Variants in AVEN observed in about 807,000 individuals in gnomAD.
AVEN encodes the protein apoptosis and caspase activation inhibitor.
In AVEN, 41 loss-of-function variants were observed where a neutral mutation model predicts 38.1. That is an observed-to-expected ratio of 1.08 (90% CI 0.84 to 1.40). AVEN has a LOEUF of 1.40. Among genes scored for constraint, AVEN ranks in the 40% most tolerant of loss-of-function variants. The probability of loss-of-function intolerance (pLI) is 0.00; values close to 1 mark genes in which losing one functional copy is unlikely to be tolerated. For synonymous variants in AVEN, 206 were observed against 171.8 expected, an observed-to-expected ratio of 1.20 and a Z score of -1.56; for missense variants, 605 against 438.8, an observed-to-expected ratio of 1.38 and a Z score of -3.38.
chr15:34,033,014 T>G (rs1197859004), intron 1 of AVEN, among the ~76,000 whole-genome samples: 1 of 152,226 alleles, frequency 6.6e-6, no homozygotes, highest in East Asian at 1.9e-4. Flanking sequence ...GACATTGATA[T>G]GGCAAAACTC....
At chr15:33,898,129 C>T (rs1892323688) in intron 2 of AVEN, among the ~76,000 whole-genome samples, 2 of 151,358 alleles carry the variant, frequency 1.3e-5, no homozygotes, top group Non-Finnish European at 2.9e-5. Context: ...GCAAAGCTTG[C>T]AGTGAGCCGA....
intron 2 of AVEN, among the ~76,000 whole-genome samples, chr15:33,894,156 G>C (rs1892108868): frequency 6.6e-6 from 1 of 151,956 alleles, no homozygotes; most frequent in African/African-American, 2.4e-5. Flanking sequence ...CGCTATGTTG[G>C]CCAGGCTGAT....
At chr15:33,959,970 T>C (rs1474594560) in intron 2 of AVEN, among the ~76,000 whole-genome samples, 1 of 152,148 alleles carries the variant, frequency 6.6e-6, no homozygotes, top group East Asian at 1.9e-4. Flanking sequence ...CTCCAACATC[T>C]GTGCAGTAGT....
intron 5 of AVEN, chr15:34,046,675 G>A (rs1483217122): frequency 6.6e-6 from 1 of 152,262 alleles, no homozygotes; most frequent in Non-Finnish European, 1.5e-5. Context: ...AGCAGCGGCA[G>A]CCCGCAGCTC....
At chr15:34,027,489 A>G (rs1021899702) in intron 1 of AVEN, among the ~76,000 whole-genome samples, 1 of 150,560 alleles carries the variant, frequency 6.6e-6, no homozygotes, top group Admixed American at 6.7e-5. Flanking sequence ...AGATTGCACC[A>G]CTGCACTCCA....
At chr15:33,949,379 A>G (rs1323755457) in intron 2 of AVEN, among the ~76,000 whole-genome samples, 5 of 152,176 alleles carry the variant, frequency 3.3e-5, no homozygotes, top group Non-Finnish European at 5.9e-5. Flanking sequence ...AATTTACGCT[A>G]TATTTCAAAA....
At chr15:33,979,584 T>A (rs1229331723) in intron 2 of AVEN, among the ~76,000 whole-genome samples, 1 of 152,234 alleles carries the variant, frequency 6.6e-6, no homozygotes, top group Non-Finnish European at 1.5e-5. Flanking sequence ...TGGCCTTAAG[T>A]TAAACCTCAA....
At chr15:33,934,210 C>T (rs931666206) in intron 2 of AVEN, among the ~76,000 whole-genome samples, 2 of 141,546 alleles carry the variant, frequency 1.4e-5, no homozygotes, top group African/African-American at 5.4e-5. Flanking sequence ...CCCATCTCTA[C>T]AAAAAAAAAA....
chr15:34,064,349 C>T (rs372993529), intron 4 of AVEN: 2 of 1,578,198 alleles, frequency 1.3e-6, no homozygotes, highest in South Asian at 1.2e-5. Flanking sequence ...AGAACAATGA[C>T]CACAGTCAAC....
At chr15:33,905,504 T>C (rs1372419667) in intron 2 of AVEN, among the ~76,000 whole-genome samples, 1 of 152,164 alleles carries the variant, frequency 6.6e-6, no homozygotes, top group Non-Finnish European at 1.5e-5. Context: ...CAAACTAATC[T>C]TCTCCAGGGA....
At chr15:33,881,309 C>T (rs2153037947) in intron 2 of AVEN, among the ~76,000 whole-genome samples, 2 of 152,202 alleles carry the variant, frequency 1.3e-5, no homozygotes, top group East Asian at 3.9e-4. Context: ...TGGTCTCAAA[C>T]TCCTGGCCTC....
intron 2 of AVEN, among the ~76,000 whole-genome samples, chr15:33,989,625 T>G (rs964017656): frequency 7.2e-5 from 11 of 152,104 alleles, no homozygotes; most frequent in Non-Finnish European, 2.9e-5. Context: ...TTTCATAGTC[T>G]CTGAATTCAT....
At chr15:33,859,515 C>T in intron 11 of AVEN, 2 of 1,577,630 alleles carry the variant, frequency 1.3e-6, no homozygotes, top group South Asian at 1.1e-5. Flanking sequence ...ATGATCTGAG[C>T]ATCTTGCTAA....
At position 34,063,712 on chromosome 15, in the gene AVEN, G is replaced by A; in HGVS notation, n.1127-280C>T. The A allele has an allele frequency of 1.2e-6, 2 of 1,614,214 alleles. No individual in the cohort carries two copies. Among genetic ancestry groups the A allele is most frequent in the African/African-American group, 1.3e-5 (1 of 75,048 alleles). The stretch of plus-strand genomic sequence containing the variant: ...GTCTACAAGAGTCAGGGTAAGGAAA[G>A]CCCAGGGGAAGAATTCAGTGCTGAA... On this transcript the variant is annotated intron_variant and non_coding_transcript_variant, in intron 4 of 11. Transcript: ENST00000675287. The surrounding 1 kb of genome is among the most constrained non-coding windows in gnomAD (Gnocchi z 4.1).
At position 33,867,873 on chromosome 15, in the gene AVEN, A is replaced by C; in HGVS notation, c.613-18T>G. 1.3e-6 allele frequency: 2 copies of C among 1,538,702 alleles called. No individual in the cohort carries two copies. Among genetic ancestry groups the C allele is most frequent in the Non-Finnish European group, 1.7e-6 (2 of 1,147,708 alleles). On this transcript the variant is annotated intron_variant, in intron 4 of 5. Coordinates refer to ENST00000306730, the MANE Select transcript of AVEN (RefSeq NM_020371.3). ...ACTGTACCCTGAAAGAGAAGTATAAAAACTGAGTTAAAAATGTGAGTCTTG... is the reference window on the plus strand; with the variant it reads ...ACTGTACCCTGAAAGAGAAGTATAACAACTGAGTTAAAAATGTGAGTCTTG...
chr15:33,892,918 C>A (rs2153040949), intron 2 of AVEN, among the ~76,000 whole-genome samples: 1 of 152,232 alleles, frequency 6.6e-6, no homozygotes, highest in East Asian at 1.9e-4. Flanking sequence ...GTTTGTAGTT[C>A]TCCTTGAAGA....
intron 2 of AVEN, among the ~76,000 whole-genome samples, chr15:33,966,739 C>G (rs1735575436): frequency 6.6e-6 from 1 of 152,140 alleles, no homozygotes. Context: ...AAGTTATTTT[C>G]AGGACCTCAT....
intron 2 of AVEN, among the ~76,000 whole-genome samples, chr15:33,936,468 T>C (rs1276062114): frequency 2.6e-5 from 4 of 152,224 alleles, no homozygotes; most frequent in African/African-American, 9.6e-5. Context: ...TAACAACATA[T>C]TATTCTACAA....
rs903902515 is a variant in AVEN, at chr15:33,905,034, G to T, written c.446-29039C>A. ...AATCCCAGCTACTCAGGAGGCTGAG[G>T]CAGGAGAATCACTTGAACCTGGGAG... On this transcript the variant is annotated intron_variant, in intron 2 of 5. Transcript: ENST00000306730. Among the ~76,000 whole-genome samples, 10 of 151,336 alleles carry T rather than the reference G, an allele frequency of 6.6e-5. 1 individual carries two copies. The highest frequency in any genetic ancestry group is 2.4e-4 in the African/African-American group (10 of 41,158).
Sources: allele counts gnomAD v4.1 joint callset (sites outside exome capture counted in the v4.1 genomes callset), GRCh38; gene constraint gnomAD v4.1.1; non-coding constraint Gnocchi (gnomAD v3.1); transcripts MANE v1.5; gene names NCBI Gene and HGNC (gene_info 2026-07-23, HGNC 2026-07-21).